The following NPTN variants were observed in gnomAD, a reference collection of about 807,000 sequenced individuals.
NPTN encodes SDR-1.
A neutral mutation model predicts 42.7 loss-of-function variants in NPTN; 5 were observed. The ratio of observed to expected loss-of-function variants is 0.12; its 90% confidence interval spans 0.06 to 0.25. The LOEUF is 0.25. Ranked by LOEUF, NPTN falls within the 10% of genes least tolerant of loss-of-function variation. The pLI, the probability that NPTN is intolerant of heterozygous loss-of-function variation, is 1.00. For synonymous variants in NPTN, 180 were observed against 201.9 expected (o/e 0.89, Z 0.92); for missense variants, 307 against 525.4 (o/e 0.58, Z 4.06).
intron 1 of NPTN, among the ~76,000 whole-genome samples, chr15:73,605,087 G>A: frequency 7.2e-6 from 1 of 138,498 alleles, no homozygotes; most frequent in African/African-American, 2.7e-5. Flanking sequence ...ACAGAGTAGA[G>A]ACCCTGTCTC....
intron 7 of NPTN, 23 bp from the exon 8 acceptor site, chr15:73,561,993 C>T: frequency 6.4e-7 from 1 of 1,566,334 alleles, no homozygotes; most frequent in Non-Finnish European, 8.7e-7. Context: ...AATTGCATTA[C>T]ATGAGTTAAA....
chr15:73,569,959 AAAAAT>A lies in NPTN; in HGVS notation c.1114+186_1114+190del, dbSNP rs1595898036. Among the ~76,000 whole-genome samples, 1 of 152,046 alleles carries A rather than the reference AAAAAT, an allele frequency of 6.6e-6. No individual in the cohort carries two copies. The highest frequency in any genetic ancestry group is 2.1e-4 in the South Asian group (1 of 4,830). ...TCTAGATGGCTAATGCAAAAAAAAT[AAAAAT>A]AAAATAAAAATAAAAAATAAAAATA... is the stretch of plus-strand genomic sequence containing the variant. On this transcript the variant is annotated intron_variant, in intron 6 of 8. Coordinates refer to ENST00000345330, the MANE Select transcript of NPTN (RefSeq NM_012428.4). This position sits in a 1 kb window ranked among gnomAD's most constrained non-coding sequence, Gnocchi z 4.1.
At chr15:73,572,429 A>G (rs1414734324) in intron 5 of NPTN, among the ~76,000 whole-genome samples, 2 of 152,186 alleles carry the variant, frequency 1.3e-5, no homozygotes, top group African/African-American at 2.4e-5. Context: ...AAACAACATC[A>G]TGAATCATCC....
intron 6 of NPTN, chr15:73,567,977 A>G (rs16958019): frequency 0.085 from 84,098 of 985,114 alleles, 5,171 homozygotes; most frequent in African/African-American, 0.3. Context: ...GGTAGGATTC[A>G]TTCACTGTCT....
intron 4 of NPTN, among the ~76,000 whole-genome samples, chr15:73,578,098 T>C (rs915016264): frequency 6.6e-6 from 1 of 151,972 alleles, no homozygotes; most frequent in African/African-American, 2.4e-5. Flanking sequence ...GATTGGAACA[T>C]AGTAAGCAAG....
intron 1 of NPTN, among the ~76,000 whole-genome samples, chr15:73,610,760 C>T (rs1897539803): frequency 6.6e-6 from 1 of 152,152 alleles, no homozygotes; most frequent in Non-Finnish European, 1.5e-5. Context: ...TTTTCCTACC[C>T]TTCTGGTCCC....
At chr15:73,609,088 T>C (rs1198644765) in intron 1 of NPTN, among the ~76,000 whole-genome samples, 1 of 152,206 alleles carries the variant, frequency 6.6e-6, no homozygotes, top group Admixed American at 6.5e-5. Flanking sequence ...ATTATACTTC[T>C]TTCCAAATGA....
intron 1 of NPTN, among the ~76,000 whole-genome samples, chr15:73,615,156 C>CTT (rs548267204): frequency 9.6e-5 from 13 of 135,746 alleles, no homozygotes; most frequent in East Asian, 4.2e-4. Flanking sequence ...GCTTAACAAT[C>CTT]TTTTTTTTTT....
intron 7 of NPTN, 62 bp downstream of exon 7, chr15:73,563,168 TGATTAA>T: frequency 8.8e-7 from 1 of 1,134,648 alleles, no homozygotes; most frequent in Non-Finnish European, 1.3e-6. Context: ...CTACTCCATT[TGATTAA>T]ACTGCAAACA....
intron 8 of NPTN, 55 bp downstream of exon 8, chr15:73,561,841 G>C: frequency 7.9e-7 from 1 of 1,260,366 alleles, no homozygotes; most frequent in Non-Finnish European, 1.2e-6. Flanking sequence ...AAGGTCAATA[G>C]AGGCACATTC....
intron 1 of NPTN, among the ~76,000 whole-genome samples, chr15:73,603,614 CT>C (rs1292296538): frequency 6.6e-6 from 1 of 152,128 alleles, no homozygotes; most frequent in East Asian, 1.9e-4. Context: ...TATGAATAAT[CT>C]GGAAAGTCCA....
intron 6 of NPTN, chr15:73,568,073 T>C (rs1237015410): frequency 3.0e-6 from 3 of 985,352 alleles, no homozygotes; most frequent in Non-Finnish European, 3.6e-6. Flanking sequence ...AACAAACTGG[T>C]CCCCCATTTG....
Position 73,570,761 on chromosome 15 carries a change from G to A in NPTN, c.841-338C>T, listed in dbSNP as rs1234758736. 6.6e-6 allele frequency among the ~76,000 whole-genome samples: 1 copy of A among 152,192 alleles called. No homozygotes were observed. The highest frequency in any genetic ancestry group is 1.5e-5 in the Non-Finnish European group (1 of 68,044). ...CCACAGCAGAAAGAGGACGGCAGAA[G>A]GAGGGGTACAACCCCTACAGTCAGG... On this transcript the variant is annotated intron_variant, in intron 5 of 8. Coordinates refer to ENST00000345330, the MANE Select transcript of NPTN (RefSeq NM_012428.4). The surrounding 1 kb of genome is among the most constrained non-coding windows in gnomAD (Gnocchi z 4.0).
At chr15:73,572,323 G>T (rs1360413898) in intron 5 of NPTN, among the ~76,000 whole-genome samples, 1 of 152,178 alleles carries the variant, frequency 6.6e-6, no homozygotes, top group East Asian at 1.9e-4. Context: ...GGATCCATGG[G>T]ATCAGAGGAA....
chr15:73,593,536 G>T (rs538887821), intron 2 of NPTN, among the ~76,000 whole-genome samples: 2 of 152,248 alleles, frequency 1.3e-5, no homozygotes, highest in South Asian at 4.1e-4. Context: ...GAGCCTTAAC[G>T]TGAGGAAAGA....
intron 5 of NPTN, 37 bp downstream of exon 5, chr15:73,573,625 T>A: frequency 6.5e-7 from 1 of 1,529,124 alleles, no homozygotes; most frequent in Non-Finnish European, 8.8e-7. Context: ...CAGGGAAAAC[T>A]CCAGCAACCA....
In NPTN at chr15:73,570,332, G is replaced by A; in HGVS notation, c.932C>T (p.Pro311Leu). 6.2e-7 allele frequency: 1 copy of A among 1,614,196 alleles called. No individual in the cohort carries two copies. The highest frequency in any genetic ancestry group is 8.5e-7 in the Non-Finnish European group (1 of 1,180,040). ...NIVNLQITEDPGEYECNATNA... is the reference protein window; with the variant it reads ...NIVNLQITEDLGEYECNATNA... Reference sequence around the variant, plus strand: ...GGTGGCATTACATTCATACTCGCCAGGGTCTTCCGTGATCTGCAGGTTCAC... The same window carrying A: ...GGTGGCATTACATTCATACTCGCCAAGGTCTTCCGTGATCTGCAGGTTCAC... Residue 311 changes from proline (P) to leucine (L), a missense_variant, in exon 6 of 9, where the codon CCT becomes CTT. By Grantham distance (98) the Pro-to-Leu change is moderately conservative (BLOSUM62 -3). Around this residue, in one of 2 missense-constraint regions of NPTN, gnomAD observed 264 missense variants for 491.1 expected, o/e 0.54. Coordinates refer to ENST00000345330, the MANE Select transcript of NPTN (RefSeq NM_012428.4). This position sits in a 1 kb window ranked among gnomAD's most constrained non-coding sequence, Gnocchi z 4.0.
At chr15:73,598,313 G>A (rs1431177642) in intron 1 of NPTN, among the ~76,000 whole-genome samples, 3 of 152,092 alleles carry the variant, frequency 2.0e-5, no homozygotes, top group Non-Finnish European at 2.9e-5. Context: ...AATGAGAAAT[G>A]TACCCTGATG....
intron 6 of NPTN, among the ~76,000 whole-genome samples, chr15:73,566,352 T>G (rs1895003911): frequency 1.3e-5 from 2 of 152,186 alleles, no homozygotes; most frequent in Non-Finnish European, 2.9e-5. Flanking sequence ...TCAGAGCCAC[T>G]AAAAATGGCC....
Sources: gnomAD v4.1 joint callset for allele counts (sites outside exome capture counted in the v4.1 genomes callset) on GRCh38, gnomAD v4.1.1 for gene constraint, gnomAD v4.1.1 regional missense constraint, Gnocchi (gnomAD v3.1) non-coding constraint, MANE v1.5 for transcripts, NCBI Gene and HGNC (gene_info 2026-07-23, HGNC 2026-07-21) for gene names.